The following CPE variants were observed in gnomAD, a reference collection of about 807,000 sequenced individuals.
CPE encodes the protein carboxypeptidase E.
Under a neutral mutation model 53.5 loss-of-function variants are expected in CPE, and 17 were observed. The observed-to-expected ratio is 0.32, with a 90% CI of 0.22 to 0.48. CPE has a LOEUF of 0.48. Ranked by LOEUF, CPE falls within the 20% of genes least tolerant of loss-of-function variation. The pLI is 0.99. For synonymous variants in CPE, 226 were observed against 228.8 expected (o/e 0.99, Z 0.11); for missense variants, 524 against 614.7 (o/e 0.85, Z 1.56).
intron 7 of CPE, among the ~76,000 whole-genome samples, chr4:165,493,672 A>G (rs1732650730): frequency 6.6e-6 from 1 of 152,368 alleles, no homozygotes; most frequent in South Asian, 2.1e-4. Flanking sequence ...AGGGAGCGGA[A>G]AGAGGAGGAA....
chr4:165,385,263 G>T (rs1730571631), intron 1 of CPE, among the ~76,000 whole-genome samples: 1 of 152,060 alleles, frequency 6.6e-6, no homozygotes, highest in South Asian at 2.1e-4. Context: ...TGGAAACTGT[G>T]CTCCATGGCC....
intron 1 of CPE, among the ~76,000 whole-genome samples, chr4:165,444,227 C>G (rs1338228784): frequency 6.6e-6 from 1 of 151,946 alleles, no homozygotes; most frequent in Non-Finnish European, 1.5e-5. Context: ...GTAACCTTGC[C>G]CAAAGTTTAA....
chr4:165,483,958 A>G (rs1732461302), intron 4 of CPE, among the ~76,000 whole-genome samples: 1 of 152,232 alleles, frequency 6.6e-6, no homozygotes, highest in Admixed American at 6.5e-5. Flanking sequence ...TGCATGAATA[A>G]GAACACAGTG....
In CPE at chr4:165,464,390, G is replaced by T. The variant is rs142794926; in HGVS notation, c.308G>T (p.Gly103Val). ...TCCATGCTATCTATTAATCTTTTAG[G>T]TGAGCCTGAATTTAAATACATTGGG... The part of the protein sequence containing the change: ...LSDNPGVHEP[G>V]EPEFKYIGNM... The change falls in exon 2 of 9, where the codon GGT becomes GTT. Residue 103 changes from glycine (G) to valine (V), a missense_variant and splice_region_variant. Coordinates refer to ENST00000402744, the MANE Select transcript of CPE (RefSeq NM_001873.4). 6.3e-7 allele frequency: 1 copy of T among 1,599,788 alleles called. No individual in the cohort carries two copies.
In CPE at chr4:165,444,532, A is replaced by G. The variant is rs574368471; in HGVS notation, c.308-19858A>G. On this transcript the variant is annotated intron_variant, in intron 1 of 8. Coordinates refer to ENST00000402744, the MANE Select transcript of CPE (RefSeq NM_001873.4). ...AAAAATTAAAAAAGAAAAGAAAAAG[A>G]TATCACCATGAGAGGTAGATCATTG... 3.3e-5 allele frequency among the ~76,000 whole-genome samples: 5 copies of G among 152,118 alleles called. No individual in the cohort carries two copies. The South Asian group carries it at 1.0e-3, about 32-fold the overall frequency.
chr4:165,403,773 C>T (rs1730909198), intron 1 of CPE, among the ~76,000 whole-genome samples: 1 of 151,528 alleles, frequency 6.6e-6, no homozygotes, highest in African/African-American at 2.4e-5. Flanking sequence ...CTGACAGGAA[C>T]AGGCAAAGAG....
At chr4:165,484,231 A>G (rs181926328) in intron 4 of CPE, among the ~76,000 whole-genome samples, 191 bp from the exon 5 acceptor site, 5 of 152,342 alleles carry the variant, frequency 3.3e-5, no homozygotes, top group Non-Finnish European at 5.9e-5. Flanking sequence ...TTGTAGTATT[A>G]GGAATGGAAA....
chr4:165,481,634 T>C (rs1732413976), intron 3 of CPE, among the ~76,000 whole-genome samples: 1 of 152,200 alleles, frequency 6.6e-6, no homozygotes, highest in Non-Finnish European at 1.5e-5. Context: ...AGACTTAACA[T>C]GAATTCTTGA....
chr4:165,433,448 C>T (rs1731445198), intron 1 of CPE, among the ~76,000 whole-genome samples: 1 of 152,166 alleles, frequency 6.6e-6, no homozygotes, highest in African/African-American at 2.4e-5. Context: ...GATTACTGAA[C>T]AGACTACCAC....
chr4:165,449,353 A>T (rs1269581052), intron 1 of CPE, among the ~76,000 whole-genome samples: 1 of 152,350 alleles, frequency 6.6e-6, no homozygotes, highest in Non-Finnish European at 1.5e-5. Flanking sequence ...GACACCAAAA[A>T]TGTTGAATTA....
At chr4:165,457,218 C>T (rs2126695788) in intron 1 of CPE, among the ~76,000 whole-genome samples, 1 of 152,256 alleles carries the variant, frequency 6.6e-6, no homozygotes, top group East Asian at 1.9e-4. Flanking sequence ...TTTTCATTTT[C>T]AGGAAATTTG....
chr4:165,402,501 G>T (rs1201921482), intron 1 of CPE, among the ~76,000 whole-genome samples: 1 of 152,138 alleles, frequency 6.6e-6, no homozygotes, highest in Non-Finnish European at 1.5e-5. Flanking sequence ...TGGATCACAG[G>T]GGCAGATTCT....
chr4:165,392,483 A>G (rs1005664107), intron 1 of CPE, among the ~76,000 whole-genome samples: 2 of 145,560 alleles, frequency 1.4e-5, no homozygotes, highest in African/African-American at 5.0e-5. Context: ...CATATATCAT[A>G]TATTTACAAT....
intron 1 of CPE, among the ~76,000 whole-genome samples, chr4:165,423,811 A>C (rs1197792307): frequency 3.5e-5 from 4 of 115,222 alleles, no homozygotes; most frequent in Admixed American, 1.1e-4. Context: ...ACCCCACAAC[A>C]GTCCTCAGAG....
intron 1 of CPE, among the ~76,000 whole-genome samples, chr4:165,386,876 T>A (rs745652485): frequency 4.6e-5 from 7 of 152,186 alleles, no homozygotes; most frequent in Non-Finnish European, 7.3e-5. Context: ...TATCTCCAGG[T>A]TTTCATTTTC....
intron 1 of CPE, among the ~76,000 whole-genome samples, chr4:165,456,321 A>G (rs1318117962): frequency 1.3e-5 from 2 of 152,114 alleles, no homozygotes; most frequent in Non-Finnish European, 2.9e-5. Context: ...TCAGTCAAAA[A>G]ATTTTCCCTA....
intron 3 of CPE, among the ~76,000 whole-genome samples, chr4:165,475,444 C>A (rs544535390): frequency 6.6e-6 from 1 of 152,152 alleles, no homozygotes; most frequent in Non-Finnish European, 1.5e-5. Flanking sequence ...TGCAAGGGAG[C>A]CTATGTCTTT....
In CPE at chr4:165,379,216, G is replaced by A; in HGVS notation, c.-6G>A. 8.1e-7 allele frequency: 1 copy of A among 1,228,618 alleles called. No homozygotes were observed. Among genetic ancestry groups the A allele is most frequent in the Non-Finnish European group, 1.0e-6 (1 of 987,846 alleles). 76.1% of individuals were successfully genotyped at this position (1,228,618 alleles called of 1,614,324 possible). On this transcript the variant is annotated 5_prime_UTR_variant, in exon 1 of 9. Transcript: ENST00000402744. This position sits in a 1 kb window ranked among gnomAD's most constrained non-coding sequence, Gnocchi z 6.0. Reference sequence around the variant, plus strand: ...AAGGCACGGCCGGCGGCGGCGGAGCGCAGCGATGGCCGGGCGAGGGGGCAG... The same window carrying A: ...AAGGCACGGCCGGCGGCGGCGGAGCACAGCGATGGCCGGGCGAGGGGGCAG...
At chr4:165,474,566 G>T (rs1037383132) in intron 3 of CPE, among the ~76,000 whole-genome samples, 3 of 152,142 alleles carry the variant, frequency 2.0e-5, no homozygotes, top group Non-Finnish European at 4.4e-5. Flanking sequence ...GTCTTACCGT[G>T]TACCCATTAC....
Sources: allele counts gnomAD v4.1 joint callset (sites outside exome capture counted in the v4.1 genomes callset), GRCh38; gene constraint gnomAD v4.1.1; non-coding constraint Gnocchi (gnomAD v3.1); transcripts MANE v1.5; gene names NCBI Gene and HGNC (gene_info 2026-07-23, HGNC 2026-07-21).